ABCA13: variants seen among roughly 807,000 people sequenced by gnomAD.
ABCA13 encodes ATP-binding cassette sub-family A member 13.
A neutral mutation model predicts 478.7 loss-of-function variants in ABCA13; 476 were observed. The observed-to-expected ratio is 0.99, with a 90% CI of 0.92 to 1.07. The LOEUF is 1.07. Among genes scored for constraint, ABCA13 ranks in the 50% least tolerant of loss-of-function variants. ABCA13 has a pLI of 0.00. For synonymous variants in ABCA13, 2,252 were observed against 2,158.9 expected (o/e 1.04, Z -1.20); for missense variants, 6,060 against 5,910.6 (o/e 1.03, Z -0.83).
intron 48 of ABCA13, among the ~76,000 whole-genome samples, chr7:48,497,832 C>T (rs924026328): frequency 1.3e-5 from 2 of 152,152 alleles, no homozygotes; most frequent in African/African-American, 4.8e-5. Flanking sequence ...AGCTGGCTCA[C>T]TTTGAAAGTA....
intron 59 of ABCA13, chr7:48,626,948 T>C: frequency 1.0e-6 from 1 of 985,424 alleles, no homozygotes; most frequent in African/African-American, 1.7e-5. Flanking sequence ...GGGGTGATTA[T>C]TGCGTATGGT....
At chr7:48,287,116 C>T (rs1797875968) in intron 19 of ABCA13, among the ~76,000 whole-genome samples, 1 of 152,062 alleles carries the variant, frequency 6.6e-6, no homozygotes, top group Non-Finnish European at 1.5e-5. Context: ...AGGTGGGTGT[C>T]TGGAGGCAGA....
chr7:48,224,893 A>G (rs1264762734), intron 5 of ABCA13, among the ~76,000 whole-genome samples: 2 of 152,184 alleles, frequency 1.3e-5, no homozygotes, highest in Non-Finnish European at 2.9e-5. Flanking sequence ...TCCTGGGACC[A>G]TCTCCTGAAT....
At chr7:48,230,047 A>G in intron 7 of ABCA13, 92 bp downstream of exon 7, 1 of 1,361,862 alleles carries the variant, frequency 7.3e-7, no homozygotes. Context: ...GATGTTCAAA[A>G]TGATTTAATT....
At chr7:48,399,942 T>A (rs982051250) in intron 38 of ABCA13, among the ~76,000 whole-genome samples, 1 of 152,210 alleles carries the variant, frequency 6.6e-6, no homozygotes, top group African/African-American at 2.4e-5. Flanking sequence ...TCCTGTCTTA[T>A]CTGAGGTCAT....
chr7:48,253,472 G>A (rs936485083), intron 15 of ABCA13, among the ~76,000 whole-genome samples: 1 of 152,212 alleles, frequency 6.6e-6, no homozygotes, highest in African/African-American at 2.4e-5. Flanking sequence ...ATTTCACAAT[G>A]AGTGTGACAT....
intron 59 of ABCA13, among the ~76,000 whole-genome samples, chr7:48,625,517 T>TTTA (rs140429503): frequency 0.016 from 2,431 of 152,326 alleles, 54 homozygotes; most frequent in African/African-American, 0.054. Context: ...TAGAAATGAT[T>TTTA]TTAAGAGAGA....
intron 23 of ABCA13, among the ~76,000 whole-genome samples, chr7:48,309,190 C>T (rs1351058533): frequency 6.6e-6 from 1 of 151,852 alleles, no homozygotes; most frequent in Non-Finnish European, 1.5e-5. Context: ...GAGCATGGTT[C>T]CTATTCACAT....
chr7:48,245,917 T>C lies in ABCA13; in HGVS notation c.1546T>C (p.Phe516Leu), dbSNP rs1791596160. ...PNGRFSEKEVFLPPGNSSIWG... is the reference protein window; with the variant it reads ...PNGRFSEKEVLLPPGNSSIWG... ...TGGTCGTTTCTCTGAGAAGGAGGTC[T>C]TTTTGCCGCCTGGAAACTCCAGCAT... Residue 516 changes from phenylalanine to leucine, a missense_variant, in exon 13 of 62, where the codon TTT becomes CTT. Around this residue, in one of 3 missense-constraint regions of ABCA13, gnomAD observed 4,423 missense variants for 4,309.1 expected, o/e 1.03. Coordinates refer to ENST00000435803, the MANE Select transcript of ABCA13 (RefSeq NM_152701.5). 6.2e-7 allele frequency: 1 copy of C among 1,613,374 alleles called. No homozygotes were observed. Among genetic ancestry groups the C allele is most frequent in the Non-Finnish European group, 8.5e-7 (1 of 1,179,514 alleles).
At chr7:48,322,999 C>T (rs1049597472) in intron 27 of ABCA13, among the ~76,000 whole-genome samples, 4 of 152,070 alleles carry the variant, frequency 2.6e-5, no homozygotes, top group Non-Finnish European at 5.9e-5. Context: ...TGTGATTCAC[C>T]CAGGTCATTG....
chr7:48,178,975 C>CCAATAA (rs746825836), intron 1 of ABCA13, among the ~76,000 whole-genome samples: 1,903 of 142,052 alleles, frequency 0.013, 25 homozygotes, highest in South Asian at 0.026. Context: ...AAAACAAAAA[C>CCAATAA]TAATAATAAT....
Position 48,227,261 on chromosome 7 carries a change from G to T in ABCA13, c.469-1G>T, listed in dbSNP as rs1191532294. Reference sequence around the variant, plus strand: ...TTTTGGTGTATTTTTTTTCCCATCAGATGGATCTCAATAAGACCGAGGAGG... The same window carrying T: ...TTTTGGTGTATTTTTTTTCCCATCATATGGATCTCAATAAGACCGAGGAGG... On this transcript the variant is annotated splice_acceptor_variant, in intron 5 of 61. Coordinates refer to ENST00000435803, the MANE Select transcript of ABCA13 (RefSeq NM_152701.5). LOFTEE classifies it high-confidence loss of function. 1 of 1,612,596 alleles carries T rather than the reference G, an allele frequency of 6.2e-7. No individual in the cohort carries two copies.
intron 3 of ABCA13, among the ~76,000 whole-genome samples, chr7:48,207,296 TTTGGA>T (rs3065568): frequency 0.2 from 30,458 of 151,738 alleles, 3,247 homozygotes; most frequent in Middle Eastern, 0.25. Flanking sequence ...TTTTTTTCCT[TTTGGA>T]TTGGATTTAT....
intron 55 of ABCA13, among the ~76,000 whole-genome samples, chr7:48,529,165 C>T (rs1833063502): frequency 6.6e-6 from 1 of 152,196 alleles, no homozygotes; most frequent in Non-Finnish European, 1.5e-5. Flanking sequence ...TTTCTCTCTA[C>T]TGCAAGAAGA....
At chr7:48,594,610 G>A in intron 57 of ABCA13, 100 bp from the exon 58 acceptor site, 1 of 1,068,650 alleles carries the variant, frequency 9.4e-7, no homozygotes, top group South Asian at 1.3e-5. Flanking sequence ...AGCCAGAGCA[G>A]AGATTTTTCT....
At chr7:48,171,579 G>A (rs1794075790) in intron 1 of ABCA13, 27 bp downstream of exon 1, 1 of 1,535,802 alleles carries the variant, frequency 6.5e-7, no homozygotes, top group Non-Finnish European at 8.7e-7. Context: ...GTTTTCCATA[G>A]GGTTCCAGTG....
Position 48,446,386 on chromosome 7 carries a change from T to TA in ABCA13, c.12566-8651_12566-8650insA, listed in dbSNP as rs1168931209. Reference sequence around the variant, plus strand: ...TTTATATAATGCTTTGTCATGCCCTTTAAAAAAAAAAAAAAAAAAGAAACC... The same window carrying TA: ...TTTATATAATGCTTTGTCATGCCCTTATAAAAAAAAAAAAAAAAAAGAAACC... On this transcript the variant is annotated intron_variant, in intron 42 of 61. Transcript: ENST00000435803. 4.0e-3 allele frequency among the ~76,000 whole-genome samples: 383 copies of TA among 95,526 alleles called. 5 individuals are homozygous for TA. The highest frequency in any genetic ancestry group is 0.034 in the East Asian group (94 of 2,768). The allele number at this position is 95,526 out of a possible 152,430, so 62.7% of individuals were successfully genotyped here. A position where few individuals can be genotyped will look rare whatever the true frequency, so the allele number is the denominator to read the frequency against.
intron 38 of ABCA13, among the ~76,000 whole-genome samples, chr7:48,393,937 G>A (rs938443524): frequency 3.3e-5 from 5 of 152,120 alleles, no homozygotes; most frequent in South Asian, 2.1e-4. Context: ...GCCTGCTGTC[G>A]GCTTCTTCTA....
At position 48,329,423 on chromosome 7, in the gene ABCA13, G is replaced by C. The variant is rs115690179; in HGVS notation, c.10000-5999G>C. 4.0e-3 allele frequency among the ~76,000 whole-genome samples: 610 copies of C among 152,322 alleles called. 6 individuals are homozygous for C. The highest frequency in any genetic ancestry group is 0.014 in the African/African-American group (564 of 41,566). ...TGAGGACATAGGGCATTATAATTGA[G>C]TGTTAGCATCCTAGGGGGCTGGCTG... is the stretch of plus-strand genomic sequence containing the variant. On this transcript the variant is annotated intron_variant, in intron 27 of 61. Coordinates refer to ENST00000435803, the MANE Select transcript of ABCA13 (RefSeq NM_152701.5).
Sources: gnomAD v4.1 joint callset for allele counts (sites outside exome capture counted in the v4.1 genomes callset) on GRCh38, gnomAD v4.1.1 for gene constraint, gnomAD v4.1.1 regional missense constraint, MANE v1.5 for transcripts, NCBI Gene and HGNC (gene_info 2026-07-23, HGNC 2026-07-21) for gene names.